LINGO3: variants seen among roughly 807,000 people sequenced by gnomAD.
LINGO3 encodes the protein leucine-rich repeat and immunoglobulin-like domain-containing nogo receptor-interacting protein 3.
For missense variants in LINGO3, 750 were observed against 867.7 expected, an observed-to-expected ratio of 0.86 and a Z score of 1.70; for synonymous variants, 427 against 444.2, an observed-to-expected ratio of 0.96 and a Z score of 0.49.
chr19:2,296,424 G>A (rs1018566095), upstream of LINGO3, among the ~76,000 whole-genome samples: 2 of 152,128 alleles, frequency 1.3e-5, no homozygotes. Context: ...AGGATGCAGT[G>A]AGCTGAGATC....
At chr19:2,302,872 C>A in the LINGO3 span, among the ~76,000 whole-genome samples, 9 of 152,316 alleles carry the variant, frequency 5.9e-5, no homozygotes, top group African/African-American at 2.2e-4. Flanking sequence ...TGCTGGCCCC[C>A]GCCATGCGAT....
At chr19:2,308,123 G>A in the LINGO3 span, among the ~76,000 whole-genome samples, 1 of 140,008 alleles carries the variant, frequency 7.1e-6, no homozygotes, top group African/African-American at 2.7e-5. Flanking sequence ...CGCGGGGGCC[G>A]CCCGGAGCCG....
chr19:2,304,316 A>T, the LINGO3 span, among the ~76,000 whole-genome samples: 1 of 152,150 alleles, frequency 6.6e-6, no homozygotes, highest in Non-Finnish European at 1.5e-5. Flanking sequence ...AGGCCATGGT[A>T]TGGGAAAAAA....
chr19:2,307,945 C>T, the LINGO3 span, among the ~76,000 whole-genome samples: 1 of 152,012 alleles, frequency 6.6e-6, no homozygotes, highest in African/African-American at 2.4e-5. Flanking sequence ...GAGGGGTGCG[C>T]GGGGCAATTT....
the LINGO3 span, among the ~76,000 whole-genome samples, chr19:2,301,129 G>A: frequency 0.016 from 2,473 of 152,264 alleles, 39 homozygotes; most frequent in Middle Eastern, 0.027. Flanking sequence ...GGCTGTGCAC[G>A]TTGAAATCCA....
At chr19:2,291,639 G>C in exon 1 of LINGO3, 1 of 1,438,678 alleles carries the variant, frequency 7.0e-7, no homozygotes, top group Non-Finnish European at 9.0e-7. Flanking sequence ...CGGGCACGGC[G>C]GTCAGGCGGC....
At chr19:2,291,703 C>T in exon 1 of LINGO3, 3 of 1,339,202 alleles carry the variant, frequency 2.2e-6, no homozygotes, top group Non-Finnish European at 2.9e-6. Flanking sequence ...GCGGGCCGGG[C>T]AGCCTCCAGC....
chr19:2,289,936 G>T, exon 1 of LINGO3: 1 of 1,371,226 alleles, frequency 7.3e-7, no homozygotes, highest in Non-Finnish European at 9.9e-7. Flanking sequence ...GAAATGCATA[G>T]GTGGACACGC....
chr19:2,300,635 G>A, the LINGO3 span, among the ~76,000 whole-genome samples: 3 of 151,908 alleles, frequency 2.0e-5, no homozygotes, highest in African/African-American at 7.3e-5. Flanking sequence ...CCGGCCACGC[G>A]GAGCCAACCC....
downstream of LINGO3, among the ~76,000 whole-genome samples, chr19:2,288,701 C>T (rs887157921): frequency 1.1e-4 from 17 of 152,222 alleles, no homozygotes; most frequent in African/African-American, 3.9e-4. This position sits in a 1 kb window ranked among gnomAD's most constrained non-coding sequence, Gnocchi z 6.5. Context: ...GCGTGTGGAC[C>T]CCTGACTGTG....
downstream of LINGO3, among the ~76,000 whole-genome samples, chr19:2,288,343 G>A (rs1055804924): frequency 6.6e-6 from 1 of 152,190 alleles, no homozygotes; most frequent in Admixed American, 6.5e-5. This position sits in a 1 kb window ranked among gnomAD's most constrained non-coding sequence, Gnocchi z 6.5. Context: ...GCACGTAGCC[G>A]GGATCCCCGG....
At position 2,290,346 on chromosome 19, in the gene LINGO3, G is replaced by C. The variant is rs999264325; in HGVS notation, c.1431C>G (p.Thr477=). 2 of 1,527,330 alleles carry C rather than the reference G, an allele frequency of 1.3e-6. No homozygotes were observed. Among genetic ancestry groups the C allele is most frequent in the Non-Finnish European group, 1.7e-6 (2 of 1,145,320 alleles). 94.6% of individuals were successfully genotyped at this position (1,527,330 alleles called of 1,614,324 possible). A position where few individuals can be genotyped will look rare whatever the true frequency, so the allele number is the denominator to read the frequency against. The change falls in exon 1 of 1, where the codon ACC becomes ACG. Residue 477 remains threonine (T), a synonymous_variant. Coordinates refer to ENST00000585527, the Ensembl canonical transcript of LINGO3. The surrounding 1 kb of genome is among the most constrained non-coding windows in gnomAD (Gnocchi z 6.0). ...CCGCGTTGCTGGCCACGCACGTGTA[G>C]GTGCCGCTGTCCTGCGGCCGCGCGT... is the stretch of plus-strand genomic sequence containing the variant.
chr19:2,290,284 C>A lies in LINGO3; in HGVS notation c.1493G>T (p.Arg498Leu), dbSNP rs769609907. ...GGTCCGGTTGGCGGCCGGCTCGGGG[C>A]GCACGGTCAGCGTGGCGAAGTAGGT... is the stretch of plus-strand genomic sequence containing the variant. Residue 498 changes from arginine (R) to leucine (L), a missense_variant, in exon 1 of 1, where the codon CGC becomes CTC. Physicochemically the swap from Arg to Leu is moderately radical, Grantham distance 102. Transcript: ENST00000585527. This position sits in a 1 kb window ranked among gnomAD's most constrained non-coding sequence, Gnocchi z 6.0. 2.8e-5 allele frequency: 44 copies of A among 1,586,926 alleles called. No homozygotes were observed. The highest frequency in any genetic ancestry group is 3.1e-5 in the Non-Finnish European group (36 of 1,171,612).
the LINGO3 span, among the ~76,000 whole-genome samples, chr19:2,303,359 G>C: frequency 2.5e-3 from 22 of 8,866 alleles, no homozygotes; most frequent in African/African-American, 4.4e-3. Flanking sequence ...GGAGCTGTGG[G>C]GGGGGGGGTC....
upstream of LINGO3, among the ~76,000 whole-genome samples, chr19:2,295,593 G>A (rs766302180): frequency 1.9e-4 from 29 of 152,080 alleles, 1 homozygote; most frequent in Non-Finnish European, 4.0e-4. Flanking sequence ...AAAACTAGCC[G>A]GGCGTGGTGA....
Position 2,290,415 on chromosome 19 carries a change from C to G in LINGO3, c.1362G>C (p.Ala454=), listed in dbSNP as rs1287733395. 7.0e-7 allele frequency: 1 copy of G among 1,422,132 alleles called. No individual in the cohort carries two copies. Among genetic ancestry groups the G allele is most frequent in the Non-Finnish European group, 9.1e-7 (1 of 1,096,106 alleles). The allele number at this position is 1,422,132 out of a possible 1,614,324, so 88.1% of individuals were successfully genotyped here. ...CCCCGGGGAGCACGCGCGCCCGGCCCGCGCTGGTGGCCGTCACCGGCCGGT... is the reference window on the plus strand; with the variant it reads ...CCCCGGGGAGCACGCGCGCCCGGCCGGCGCTGGTGGCCGTCACCGGCCGGT... Residue 454 remains alanine (A), a synonymous_variant, in exon 1 of 1, where the codon GCG becomes GCC. Coordinates refer to ENST00000585527, the Ensembl canonical transcript of LINGO3. The surrounding 1 kb of genome is among the most constrained non-coding windows in gnomAD (Gnocchi z 6.0).
the LINGO3 span, among the ~76,000 whole-genome samples, chr19:2,297,280 C>G: frequency 1.3e-5 from 2 of 149,916 alleles, no homozygotes; most frequent in African/African-American, 4.9e-5. Flanking sequence ...CCCCAGGACC[C>G]GGGCATGCAC....
At chr19:2,304,770 C>G in the LINGO3 span, among the ~76,000 whole-genome samples, 1 of 124,344 alleles carries the variant, frequency 8.0e-6, no homozygotes, top group Non-Finnish European at 1.6e-5. Context: ...CAGGCTGGTG[C>G]GATCTTGGCT....
At chr19:2,299,397 G>A in the LINGO3 span, among the ~76,000 whole-genome samples, 1 of 152,124 alleles carries the variant, frequency 6.6e-6, no homozygotes, top group Non-Finnish European at 1.5e-5. Flanking sequence ...GCATCCGGTT[G>A]TCCTCCCTGG....
Sources: allele counts gnomAD v4.1 joint callset (sites outside exome capture counted in the v4.1 genomes callset), GRCh38; gene constraint gnomAD v4.1.1; non-coding constraint Gnocchi (gnomAD v3.1); transcripts MANE v1.5; gene names NCBI Gene and HGNC (gene_info 2026-07-23, HGNC 2026-07-21).